The following GRIA4 variants were observed in gnomAD, a reference collection of about 807,000 sequenced individuals.
GRIA4 encodes glutamate receptor 4.
GRIA4 carries 34 observed loss-of-function variants against 104.0 expected under a neutral mutation model. That is an observed-to-expected ratio of 0.33 (90% CI 0.25 to 0.44). GRIA4 has a LOEUF of 0.44. Among genes scored for constraint, GRIA4 ranks in the 20% least tolerant of loss-of-function variants. The probability of loss-of-function intolerance (pLI) is 1.00; values close to 1 mark genes in which losing one functional copy is unlikely to be tolerated. For missense variants in GRIA4, 750 were observed against 1,096.5 expected (o/e 0.68, Z 4.46); for synonymous variants, 386 against 381.9 (o/e 1.01, Z -0.13).
intron 4 of GRIA4, among the ~76,000 whole-genome samples, chr11:105,788,118 C>T (rs949042221): frequency 1.3e-5 from 2 of 152,042 alleles, no homozygotes; most frequent in African/African-American, 2.4e-5. Flanking sequence ...TCCCAAAATG[C>T]TGTATTTGCA....
chr11:105,979,876 G>C lies in GRIA4; in HGVS notation c.*137G>C. 1.7e-6 allele frequency: 1 copy of C among 585,726 alleles called. No homozygotes were observed. The highest frequency in any genetic ancestry group is 3.0e-6 in the Non-Finnish European group (1 of 332,766). 36.3% of individuals were successfully genotyped at this position (585,726 alleles called of 1,614,324 possible). A position where few individuals can be genotyped will look rare whatever the true frequency, so the allele number is the denominator to read the frequency against. ...AGCGGGAAGTCCGTCCTAACGCGCTGGCCGGACATCAGCAGCAGCAACGTG... is the reference window on the plus strand; with the variant it reads ...AGCGGGAAGTCCGTCCTAACGCGCTCGCCGGACATCAGCAGCAGCAACGTG... On this transcript the variant is annotated 3_prime_UTR_variant, in exon 17 of 17. Transcript: ENST00000282499.
intron 3 of GRIA4, among the ~76,000 whole-genome samples, chr11:105,654,426 T>A (rs1168582231): frequency 6.6e-6 from 1 of 152,098 alleles, no homozygotes; most frequent in Non-Finnish European, 1.5e-5. Flanking sequence ...ATTTATAATT[T>A]AAAAAATAAT....
chr11:105,834,781 G>A (rs1461659688), intron 4 of GRIA4, among the ~76,000 whole-genome samples: 1 of 145,878 alleles, frequency 6.9e-6, no homozygotes, highest in Non-Finnish European at 1.5e-5. Flanking sequence ...CTGTGGGTTC[G>A]AGCAGACATC....
At chr11:105,705,608 C>CGAGA (rs149688597) in intron 3 of GRIA4, among the ~76,000 whole-genome samples, 2 of 149,036 alleles carry the variant, frequency 1.3e-5, no homozygotes, top group South Asian at 2.1e-4. Context: ...CCTGAACTGA[C>CGAGA]GAGAGAGAGA....
At chr11:105,775,440 A>G (rs73540344) in intron 4 of GRIA4, among the ~76,000 whole-genome samples, 11,480 of 152,142 alleles carry the variant, frequency 0.075, 1,192 homozygotes, top group African/African-American at 0.24. Context: ...GTAATGATGT[A>G]TTTATTTGGC....
At position 105,924,547 on chromosome 11, in the gene GRIA4, C is replaced by T. The variant is rs1947654459; in HGVS notation, c.1625C>T (p.Pro542Leu). Residue 542 changes from proline (P) to leucine (L), a missense_variant, in exon 12 of 17, where the codon CCT becomes CTT. This residue lies in a region of GRIA4 where 272 missense variants were observed against 524.5 expected (regional missense o/e 0.52). Transcript: ENST00000282499. ...CCAGGAGTGTTTTCCTTCTTGGATC[C>T]TCTGGCCTATGAGATTTGGATGTGC... ...SKPGVFSFLD[P>L]LAYEIWMCIV... 6.2e-7 allele frequency: 1 copy of T among 1,613,078 alleles called. No homozygotes were observed. The highest frequency in any genetic ancestry group is 8.5e-7 in the Non-Finnish European group (1 of 1,179,404).
chr11:105,751,293 A>G (rs1939981474), intron 3 of GRIA4, among the ~76,000 whole-genome samples: 1 of 152,310 alleles, frequency 6.6e-6, no homozygotes, highest in Non-Finnish European at 1.5e-5. Flanking sequence ...GAGTAACTCC[A>G]GGTTCTAATG....
intron 3 of GRIA4, among the ~76,000 whole-genome samples, chr11:105,695,555 A>G (rs1197927476): frequency 1.3e-5 from 2 of 151,498 alleles, no homozygotes; most frequent in African/African-American, 4.9e-5. Flanking sequence ...TGCTTTTCCA[A>G]TTAGTCTTAC....
chr11:105,778,422 G>C (rs1005493346), intron 4 of GRIA4, among the ~76,000 whole-genome samples: 1 of 152,180 alleles, frequency 6.6e-6, no homozygotes, highest in African/African-American at 2.4e-5. Context: ...CAAGTACAAG[G>C]GGGGCTGGGC....
intron 3 of GRIA4, among the ~76,000 whole-genome samples, chr11:105,691,479 A>C (rs1014360455): frequency 1.3e-5 from 2 of 152,218 alleles, no homozygotes; most frequent in Non-Finnish European, 2.9e-5. Context: ...CTGGATAATA[A>C]GTAGTTTGCT....
Position 105,656,637 on chromosome 11 carries a change from G to A in GRIA4, c.247+44203G>A, listed in dbSNP as rs770057893. The stretch of plus-strand genomic sequence containing the variant: ...GCAATCTATTTATGTGACAAAGGGA[G>A]CATTTCTTTAAGGCGTTTAGATTTT... On this transcript the variant is annotated intron_variant, in intron 3 of 16. Coordinates refer to ENST00000282499, the MANE Select transcript of GRIA4 (RefSeq NM_000829.4). Among the ~76,000 whole-genome samples the A allele has an allele frequency of 3.1e-4, 47 of 151,824 alleles. 3 individuals are homozygous for A. The highest frequency in any genetic ancestry group is 5.9e-5 in the Non-Finnish European group (4 of 67,846).
Position 105,760,982 on chromosome 11 carries a change from AAGACCTATGTC to A in GRIA4, c.487+7766_487+7776del, listed in dbSNP as rs539652205. ...CACTATTAAGATTGAAATACAGTGC[AAGACCTATGTC>A]AGAGGTTACATATGTTCAAATATTC... On this transcript the variant is annotated intron_variant, in intron 4 of 16. Transcript: ENST00000282499. Among the ~76,000 whole-genome samples the A allele has an allele frequency of 4.3e-3, 654 of 152,310 alleles. 7 individuals carry two copies. The highest frequency in any genetic ancestry group is 0.015 in the African/African-American group (616 of 41,570).
chr11:105,891,520 T>C (rs1260345700), intron 6 of GRIA4, among the ~76,000 whole-genome samples: 1 of 152,128 alleles, frequency 6.6e-6, no homozygotes, highest in African/African-American at 2.4e-5. Flanking sequence ...ACCCCACAAC[T>C]ATCCCTTCTT....
At chr11:105,880,368 T>C (rs553241729) in intron 5 of GRIA4, among the ~76,000 whole-genome samples, 10 of 152,306 alleles carry the variant, frequency 6.6e-5, no homozygotes, top group Middle Eastern at 3.4e-3. Flanking sequence ...TGCTTTTCAA[T>C]AGCCATTGGC....
intron 3 of GRIA4, among the ~76,000 whole-genome samples, chr11:105,734,993 T>C (rs1396630349): frequency 6.6e-6 from 1 of 152,174 alleles, no homozygotes; most frequent in Non-Finnish European, 1.5e-5. Context: ...TATTAAATAC[T>C]ATCATATAAA....
intron 3 of GRIA4, among the ~76,000 whole-genome samples, chr11:105,621,995 GT>G (rs112340544): frequency 0.08 from 12,045 of 150,584 alleles, 554 homozygotes; most frequent in African/African-American, 0.13. Context: ...TTCTTTCTCT[GT>G]TTTTTTCCTT....
At chr11:105,708,697 G>A (rs1953798311) in intron 3 of GRIA4, among the ~76,000 whole-genome samples, 1 of 151,964 alleles carries the variant, frequency 6.6e-6, no homozygotes, top group South Asian at 2.1e-4. Context: ...GAGCAAATAA[G>A]TAAAAATATT....
chr11:105,946,988 A>C (rs1033510985), intron 14 of GRIA4, among the ~76,000 whole-genome samples: 4 of 152,244 alleles, frequency 2.6e-5, no homozygotes, highest in Non-Finnish European at 5.9e-5. Context: ...GTAATGAAAG[A>C]AAATCCTTTC....
intron 14 of GRIA4, among the ~76,000 whole-genome samples, chr11:105,960,173 C>T (rs189513880): frequency 6.4e-4 from 98 of 152,336 alleles, no homozygotes; most frequent in African/African-American, 2.3e-3. Context: ...GGGGGAGACC[C>T]ACCCATGTGA....
Sources: gnomAD v4.1 joint callset for allele counts (sites outside exome capture counted in the v4.1 genomes callset) on GRCh38, gnomAD v4.1.1 for gene constraint, gnomAD v4.1.1 regional missense constraint, MANE v1.5 for transcripts, NCBI Gene and HGNC (gene_info 2026-07-23, HGNC 2026-07-21) for gene names.